The following AGAP1 variants were observed in gnomAD, a reference collection of about 807,000 sequenced individuals.
AGAP1 encodes arf-GAP with GTPase, ANK repeat and PH domain-containing protein 1.
AGAP1 carries 29 observed loss-of-function variants against 105.3 expected under a neutral mutation model. That is an observed-to-expected ratio of 0.28 (90% CI 0.21 to 0.38). AGAP1 has a LOEUF of 0.38. Ranked by LOEUF, AGAP1 falls within the 10% of genes least tolerant of loss-of-function variation. The probability of loss-of-function intolerance (pLI) is 1.00; values close to 1 mark genes in which losing one functional copy is unlikely to be tolerated. For synonymous variants in AGAP1, 509 were observed against 485.9 expected, an observed-to-expected ratio of 1.05 and a Z score of -0.63; for missense variants, 998 against 1,165.1, an observed-to-expected ratio of 0.86 and a Z score of 2.09.
chr2:235,930,286 A>G lies in AGAP1; in HGVS notation c.1325-479A>G, dbSNP rs1187601799. 6.6e-6 allele frequency among the ~76,000 whole-genome samples: 1 copy of G among 152,192 alleles called. No homozygotes were observed. The highest frequency in any genetic ancestry group is 2.4e-5 in the African/African-American group (1 of 41,450). On this transcript the variant is annotated intron_variant, in intron 11 of 17. Transcript: ENST00000304032. This position sits in a 1 kb window ranked among gnomAD's most constrained non-coding sequence, Gnocchi z 7.9. ...CTAGGGACTTTGATTTGTGTTGATC[A>G]TAAAGTATGGCTTCCCCATGAAAAT...
In AGAP1 at chr2:235,722,089, A is replaced by G. The variant is rs139385385; in HGVS notation, c.310+4445A>G. ...TGGGTTACTCCATAGAGAGCTTGTGATTTCATGAAAGCCATCAAAGAGTAA... is the reference window on the plus strand; with the variant it reads ...TGGGTTACTCCATAGAGAGCTTGTGGTTTCATGAAAGCCATCAAAGAGTAA... On this transcript the variant is annotated intron_variant, in intron 3 of 17. Coordinates refer to ENST00000304032, the MANE Select transcript of AGAP1 (RefSeq NM_001037131.3). 8.5e-4 allele frequency among the ~76,000 whole-genome samples: 129 copies of G among 152,320 alleles called. 3 individuals are homozygous for G. In the East Asian group the frequency reaches 0.02, roughly 24 times the overall value.
chr2:235,623,190 C>T lies in AGAP1; in HGVS notation c.164-85989C>T, dbSNP rs1318219392. ...CTTTCATTTCGAACTTTCAATACAG[C>T]TGCAGAAACAATGCATCTGAACGGA... On this transcript the variant is annotated intron_variant, in intron 1 of 17. Coordinates refer to ENST00000304032, the MANE Select transcript of AGAP1 (RefSeq NM_001037131.3). This position sits in a 1 kb window ranked among gnomAD's most constrained non-coding sequence, Gnocchi z 4.5. Among the ~76,000 whole-genome samples, 1 of 152,212 alleles carries T rather than the reference C, an allele frequency of 6.6e-6. No homozygotes were observed. Among genetic ancestry groups the T allele is most frequent in the Admixed American group, 6.5e-5 (1 of 15,290 alleles).
chr2:235,738,929 C>G (rs1056524811), intron 3 of AGAP1, among the ~76,000 whole-genome samples: 3 of 152,178 alleles, frequency 2.0e-5, no homozygotes, highest in Admixed American at 2.0e-4. Context: ...TCCAGCATCT[C>G]TTTTTAAAAA....
chr2:235,931,555 G>A lies in AGAP1; in HGVS notation c.1483+632G>A, dbSNP rs945401850. 2.6e-5 allele frequency among the ~76,000 whole-genome samples: 4 copies of A among 152,040 alleles called. No homozygotes were observed. Among genetic ancestry groups the A allele is most frequent in the Admixed American group, 1.3e-4 (2 of 15,266 alleles). ...AATGACGCAGCACCGAGGGCACCCT[G>A]GTGGCTGCAGCAGGGTTTGCCTGTG... On this transcript the variant is annotated intron_variant, in intron 12 of 17. Transcript: ENST00000304032. The surrounding 1 kb of genome is among the most constrained non-coding windows in gnomAD (Gnocchi z 5.6).
Position 236,003,496 on chromosome 2 carries a change from G to A in AGAP1, c.1646-33065G>A, listed in dbSNP as rs1190635667. 2.0e-5 allele frequency among the ~76,000 whole-genome samples: 3 copies of A among 152,198 alleles called. No homozygotes were observed. Among genetic ancestry groups the A allele is most frequent in the Admixed American group, 6.5e-5 (1 of 15,284 alleles). On this transcript the variant is annotated intron_variant, in intron 13 of 17. Transcript: ENST00000304032. This position sits in a 1 kb window ranked among gnomAD's most constrained non-coding sequence, Gnocchi z 4.2. Reference sequence around the variant, plus strand: ...CTCATGGCCACGCTGGGATGGAGGTGGACTCTGAGCACAGACAAGGGACCC... The same window carrying A: ...CTCATGGCCACGCTGGGATGGAGGTAGACTCTGAGCACAGACAAGGGACCC...
At position 235,551,339 on chromosome 2, in the gene AGAP1, C is replaced by T. The variant is rs1489911941; in HGVS notation, c.163+56490C>T. 6.6e-6 allele frequency among the ~76,000 whole-genome samples: 1 copy of T among 152,024 alleles called. No individual in the cohort carries two copies. The highest frequency in any genetic ancestry group is 1.5e-5 in the Non-Finnish European group (1 of 67,996). ...TTTTTTTTTGAGACAAGGTCTCACT[C>T]TGTCACTCAGGTTGGAGTGCAGTGG... On this transcript the variant is annotated intron_variant, in intron 1 of 17. Transcript: ENST00000304032. This position sits in a 1 kb window ranked among gnomAD's most constrained non-coding sequence, Gnocchi z 4.8.
Position 236,127,648 on chromosome 2 carries a change from T to TGG in AGAP1, c.*3526_*3527insGG. On this transcript the variant is annotated 3_prime_UTR_variant, in exon 18 of 18. Transcript: ENST00000304032. This position sits in a 1 kb window ranked among gnomAD's most constrained non-coding sequence, Gnocchi z 6.6. ...GGCCTGCATGGTTCCGGCCTCGTCA[T>TGG]CCAGTGTAGATACCAGTCTTCCTAT... 6.6e-6 allele frequency: 1 copy of TGG among 152,224 alleles called. No homozygotes were observed. Among genetic ancestry groups the TGG allele is most frequent in the Non-Finnish European group, 1.5e-5 (1 of 68,060 alleles). The allele number at this position is 152,224 out of a possible 1,614,324, so 9.4% of individuals were successfully genotyped here.
At chr2:235,594,521 T>G (rs1042357045) in intron 1 of AGAP1, among the ~76,000 whole-genome samples, 1 of 152,132 alleles carries the variant, frequency 6.6e-6, no homozygotes, top group Non-Finnish European at 1.5e-5. Flanking sequence ...TGTTCAGCAT[T>G]TCATGAGATT....
Position 235,947,409 on chromosome 2 carries a change from C to G in AGAP1, c.1483+16486C>G, listed in dbSNP as rs148816605. Among the ~76,000 whole-genome samples the G allele has an allele frequency of 5.2e-3, 795 of 152,226 alleles. 8 individuals carry two copies. Among genetic ancestry groups the G allele is most frequent in the African/African-American group, 0.019 (769 of 41,522 alleles). Reference sequence around the variant, plus strand: ...TTGCTGTAAATGCCATTATTTTGTTCCTTTTTATGGCTGACTAGTATTCCA... The same window carrying G: ...TTGCTGTAAATGCCATTATTTTGTTGCTTTTTATGGCTGACTAGTATTCCA... On this transcript the variant is annotated intron_variant, in intron 12 of 17. Transcript: ENST00000304032.
Position 235,701,604 on chromosome 2 carries a change from T to C in AGAP1, c.164-7575T>C. ...TCTGGTATCCCCAGGGTTTATGTTT[T>C]ATTTCATTTATTATAGGGATTCAAG... On this transcript the variant is annotated intron_variant, in intron 1 of 17. Transcript: ENST00000304032. This position sits in a 1 kb window ranked among gnomAD's most constrained non-coding sequence, Gnocchi z 4.1. Among the ~76,000 whole-genome samples the C allele has an allele frequency of 6.6e-6, 1 of 152,226 alleles. No homozygotes were observed. The highest frequency in any genetic ancestry group is 2.4e-5 in the African/African-American group (1 of 41,456).
rs142743413 is a variant in AGAP1, at chr2:235,633,697, C to T, written c.164-75482C>T. 1.9e-3 allele frequency among the ~76,000 whole-genome samples: 288 copies of T among 152,264 alleles called. 3 individuals are homozygous for T. Among genetic ancestry groups the T allele is most frequent in the African/African-American group, 6.2e-3 (258 of 41,554 alleles). On this transcript the variant is annotated intron_variant, in intron 1 of 17. Coordinates refer to ENST00000304032, the MANE Select transcript of AGAP1 (RefSeq NM_001037131.3). The surrounding 1 kb of genome is among the most constrained non-coding windows in gnomAD (Gnocchi z 4.8). ...GCCTCTGTGTAACATTTCTTCCTCT[C>T]GGGTATGGGATGGGACCCCTCTGGA...
At chr2:236,068,244 C>T (rs1204833933) in intron 16 of AGAP1, among the ~76,000 whole-genome samples, 2 of 151,966 alleles carry the variant, frequency 1.3e-5, no homozygotes, top group African/African-American at 4.8e-5. Context: ...ACACTCCAGC[C>T]TGGGCAACAG....
In AGAP1 at chr2:236,043,502, G is replaced by T. The variant is rs186767385; in HGVS notation, c.1891+2661G>T. 1.3e-3 allele frequency among the ~76,000 whole-genome samples: 202 copies of T among 152,268 alleles called. 1 individual carries two copies. Among genetic ancestry groups the T allele is most frequent in the African/African-American group, 4.5e-3 (188 of 41,556 alleles). On this transcript the variant is annotated intron_variant, in intron 15 of 17. Transcript: ENST00000304032. ...AGCACTTTGGGAGGCCAAGGTGGGCGGATCACCTGAGGTCAGGAGTTCGAG... is the reference window on the plus strand; with the variant it reads ...AGCACTTTGGGAGGCCAAGGTGGGCTGATCACCTGAGGTCAGGAGTTCGAG...
chr2:235,748,411 A>G (rs138269190), intron 5 of AGAP1, among the ~76,000 whole-genome samples: 10 of 152,270 alleles, frequency 6.6e-5, no homozygotes, highest in Admixed American at 2.0e-4. Context: ...TTAAAAAGAA[A>G]TGTTTATACT....
At chr2:235,870,037 C>CAG (rs1444763743) in intron 9 of AGAP1, among the ~76,000 whole-genome samples, 4 of 152,206 alleles carry the variant, frequency 2.6e-5, no homozygotes, top group Non-Finnish European at 5.9e-5. Context: ...AGTGATCACA[C>CAG]AGGATATGAG....
intron 1 of AGAP1, among the ~76,000 whole-genome samples, chr2:235,677,720 C>T (rs1304390206): frequency 2.6e-5 from 4 of 151,720 alleles, no homozygotes; most frequent in African/African-American, 7.2e-5. Flanking sequence ...TTCTTTGAGC[C>T]GGTCTGCTGA....
At chr2:235,501,726 A>T (rs1195244960) in intron 1 of AGAP1, among the ~76,000 whole-genome samples, 1 of 151,822 alleles carries the variant, frequency 6.6e-6, no homozygotes, top group East Asian at 1.9e-4. Flanking sequence ...TTAACCACTG[A>T]TTTCGTTTCG....
chr2:236,059,772 T>C (rs2125750319), intron 16 of AGAP1, among the ~76,000 whole-genome samples: 1 of 152,294 alleles, frequency 6.6e-6, no homozygotes, highest in South Asian at 2.1e-4. Context: ...GGATATCCAC[T>C]TGTGAAAGAA....
intron 6 of AGAP1, among the ~76,000 whole-genome samples, chr2:235,759,402 C>A (rs1575359343): frequency 6.7e-6 from 1 of 150,054 alleles, no homozygotes; most frequent in Non-Finnish European, 1.5e-5. Context: ...ATCTCCTGAC[C>A]TCGTGATCCG....
Sources: gnomAD v4.1 joint callset for allele counts (sites outside exome capture counted in the v4.1 genomes callset) on GRCh38, gnomAD v4.1.1 for gene constraint, Gnocchi (gnomAD v3.1) non-coding constraint, MANE v1.5 for transcripts, NCBI Gene and HGNC (gene_info 2026-07-23, HGNC 2026-07-21) for gene names.